Variants in SLC24A2 observed in about 807,000 individuals in gnomAD.
The protein encoded by SLC24A2 is sodium/potassium/calcium exchanger 2.
Under a neutral mutation model 62.0 loss-of-function variants are expected in SLC24A2, and 36 were observed. The observed-to-expected ratio is 0.58, with a 90% CI of 0.44 to 0.77. SLC24A2 has a LOEUF of 0.77. Among genes scored for constraint, SLC24A2 ranks in the 30% least tolerant of loss-of-function variants. SLC24A2 has a pLI of 0.00. For synonymous variants in SLC24A2, 358 were observed against 294.0 expected, an observed-to-expected ratio of 1.22 and a Z score of -2.23; for missense variants, 846 against 817.9, an observed-to-expected ratio of 1.03 and a Z score of -0.42.
At chr9:19,904,210 A>G in the SLC24A2 span, among the ~76,000 whole-genome samples, 1 of 152,214 alleles carries the variant, frequency 6.6e-6, no homozygotes, top group African/African-American at 2.4e-5. Flanking sequence ...CTGAATCAGA[A>G]TCTGCACTCT....
the SLC24A2 span, among the ~76,000 whole-genome samples, chr9:20,228,914 G>A: frequency 6.6e-6 from 1 of 152,166 alleles, no homozygotes; most frequent in African/African-American, 2.4e-5. Flanking sequence ...GGAGGATGCA[G>A]ATTCTTCTAG....
At chr9:19,592,064 A>T (rs1169264495) in intron 5 of SLC24A2, among the ~76,000 whole-genome samples, 2 of 152,212 alleles carry the variant, frequency 1.3e-5, no homozygotes, top group Non-Finnish European at 2.9e-5. Context: ...AGACTATTTC[A>T]CTGCAACTAA....
At chr9:20,021,715 C>T in the SLC24A2 span, among the ~76,000 whole-genome samples, 2 of 152,050 alleles carry the variant, frequency 1.3e-5, no homozygotes, top group East Asian at 3.9e-4. Context: ...GGCCCCCAAA[C>T]TTCAGCTCAG....
At chr9:19,578,178 C>G (rs1441477833) in intron 5 of SLC24A2, among the ~76,000 whole-genome samples, 4 of 151,832 alleles carry the variant, frequency 2.6e-5, no homozygotes, top group African/African-American at 9.7e-5. Context: ...CACAAATCAC[C>G]ACTAAAGAAA....
At chr9:19,745,283 T>G (rs1351673212) in intron 2 of SLC24A2, among the ~76,000 whole-genome samples, 2 of 152,166 alleles carry the variant, frequency 1.3e-5, no homozygotes, top group African/African-American at 4.8e-5. Flanking sequence ...CATGAGCCAA[T>G]TAAACCTCTT....
intron 2 of SLC24A2, among the ~76,000 whole-genome samples, chr9:19,631,053 G>A (rs1398830370): frequency 6.6e-6 from 1 of 152,038 alleles, no homozygotes; most frequent in Non-Finnish European, 1.5e-5. Context: ...TCATTCTTTT[G>A]TATTATTTGT....
the SLC24A2 span, among the ~76,000 whole-genome samples, chr9:20,167,450 T>C: frequency 6.6e-6 from 1 of 151,934 alleles, no homozygotes; most frequent in East Asian, 1.9e-4. Context: ...TCAGCTGAAA[T>C]TGGCAGCAGT....
the SLC24A2 span, among the ~76,000 whole-genome samples, chr9:19,930,784 G>A: frequency 6.6e-6 from 1 of 152,220 alleles, no homozygotes; most frequent in Non-Finnish European, 1.5e-5. Context: ...CTAGGAAACA[G>A]GGTGCCAGAG....
At chr9:20,128,177 G>A in the SLC24A2 span, among the ~76,000 whole-genome samples, 3 of 152,094 alleles carry the variant, frequency 2.0e-5, no homozygotes, top group East Asian at 1.9e-4. Flanking sequence ...AAGGCAGATG[G>A]TTTGTGTGTT....
At chr9:19,932,370 T>C in the SLC24A2 span, among the ~76,000 whole-genome samples, 1 of 152,176 alleles carries the variant, frequency 6.6e-6, no homozygotes, top group Non-Finnish European at 1.5e-5. Flanking sequence ...TTGTCTTACG[T>C]GGAGCTTCTT....
At position 19,516,337 on chromosome 9, in the gene SLC24A2, T is replaced by C. The variant is rs61745273; in HGVS notation, c.1802A>G (p.Asn601Ser). 8.2e-4 allele frequency: 1,322 copies of C among 1,614,096 alleles called. 21 individuals carry two copies. In the Admixed American group the frequency reaches 0.02, roughly 25 times the overall value. ...AAGGACGATGGCACAGAAAAGGCCA[T>C]TGCTGCTGACAGCCACTGGCTGGAA... The part of the protein sequence containing the change: ...HRFQPVAVSS[N>S]GLFCAIVLLF... Residue 601 changes from asparagine (N) to serine (S), a missense_variant, in exon 11 of 11, where the codon AAT (asparagine) becomes AGT (serine). Physicochemically the swap from Asn to Ser is conservative, Grantham distance 46. Coordinates refer to ENST00000341998, the MANE Select transcript of SLC24A2 (RefSeq NM_020344.4).
the SLC24A2 span, among the ~76,000 whole-genome samples, chr9:19,822,125 A>C: frequency 6.6e-6 from 1 of 152,160 alleles, no homozygotes; most frequent in East Asian, 1.9e-4. Flanking sequence ...TACTTTTTGC[A>C]TCTATTGATT....
the SLC24A2 span, among the ~76,000 whole-genome samples, chr9:20,213,073 C>A: frequency 6.6e-6 from 1 of 151,636 alleles, no homozygotes; most frequent in Non-Finnish European, 1.5e-5. Context: ...CTAATGCATA[C>A]TGGGCTTAAT....
At chr9:20,103,115 C>G in the SLC24A2 span, among the ~76,000 whole-genome samples, 3 of 152,210 alleles carry the variant, frequency 2.0e-5, no homozygotes, top group African/African-American at 7.2e-5. Context: ...AGTCTGAGAT[C>G]AAACTGCAAG....
the SLC24A2 span, among the ~76,000 whole-genome samples, chr9:20,210,483 GT>G: frequency 6.7e-6 from 1 of 149,832 alleles, no homozygotes; most frequent in Admixed American, 6.6e-5. Flanking sequence ...TTTTGTTTTT[GT>G]TTTTTTTTGA....
chr9:19,806,420 G>GT, the SLC24A2 span, among the ~76,000 whole-genome samples: 1 of 152,164 alleles, frequency 6.6e-6, no homozygotes, highest in African/African-American at 2.4e-5. Flanking sequence ...AAATATAAAG[G>GT]TTTGGGGTCA....
intron 2 of SLC24A2, among the ~76,000 whole-genome samples, chr9:19,727,653 T>C (rs1047186235): frequency 6.6e-6 from 1 of 152,242 alleles, no homozygotes; most frequent in Non-Finnish European, 1.5e-5. Flanking sequence ...AATTATTTTT[T>C]AGGCATTCAA....
At chr9:20,271,951 G>A in the SLC24A2 span, among the ~76,000 whole-genome samples, 8 of 150,350 alleles carry the variant, frequency 5.3e-5, no homozygotes, top group African/African-American at 2.0e-4. Context: ...TGATCAGCCT[G>A]AGATGCTGCC....
At chr9:19,808,079 C>T in the SLC24A2 span, among the ~76,000 whole-genome samples, 139 of 152,284 alleles carry the variant, frequency 9.1e-4, no homozygotes, top group African/African-American at 3.1e-3. The surrounding 1 kb of genome is among the most constrained non-coding windows in gnomAD (Gnocchi z 4.1). Context: ...CAAGGACTCC[C>T]TACAGATGGG....
Sources: allele counts gnomAD v4.1 joint callset (sites outside exome capture counted in the v4.1 genomes callset), GRCh38; gene constraint gnomAD v4.1.1; non-coding constraint Gnocchi (gnomAD v3.1); transcripts MANE v1.5; gene names NCBI Gene and HGNC (gene_info 2026-07-23, HGNC 2026-07-21).